The following RANBP17 variants were observed in gnomAD, a reference collection of about 807,000 sequenced individuals.
The protein encoded by RANBP17 is ran-binding protein 17.
In RANBP17, 158 loss-of-function variants were observed where a neutral mutation model predicts 141.2. The observed-to-expected ratio is 1.12, with a 90% CI of 0.98 to 1.28. The LOEUF is 1.28. Among genes scored for constraint, RANBP17 ranks in the 50% most tolerant of loss-of-function variants. RANBP17 has a pLI of 0.00. For synonymous variants in RANBP17, 430 were observed against 450.0 expected (o/e 0.96, Z 0.56); for missense variants, 1,438 against 1,290.7 (o/e 1.11, Z -1.75).
chr5:170,870,726 G>GTA (rs1480625153), intron 1 of RANBP17, among the ~76,000 whole-genome samples: 1 of 152,142 alleles, frequency 6.6e-6, no homozygotes, highest in East Asian at 1.9e-4. Context: ...ATTCCTTTGA[G>GTA]TATATACCCA....
intron 14 of RANBP17, among the ~76,000 whole-genome samples, chr5:170,978,746 C>T (rs1777560509): frequency 6.6e-6 from 1 of 152,076 alleles, no homozygotes; most frequent in African/African-American, 2.4e-5. Flanking sequence ...AGGGAGCCTT[C>T]TGGGGACCTT....
At chr5:170,876,620 A>C (rs926213829) in intron 1 of RANBP17, among the ~76,000 whole-genome samples, 11 of 152,204 alleles carry the variant, frequency 7.2e-5, no homozygotes, top group African/African-American at 2.6e-4. Context: ...GAAATTTCCA[A>C]ATCTGGGATG....
intron 14 of RANBP17, among the ~76,000 whole-genome samples, chr5:170,984,656 A>G (rs1777999686): frequency 6.6e-6 from 1 of 152,094 alleles, no homozygotes; most frequent in African/African-American, 2.4e-5. Context: ...AAGTGTAGCT[A>G]ATAGTTAAAT....
intron 14 of RANBP17, among the ~76,000 whole-genome samples, chr5:171,024,478 C>G (rs776518347): frequency 6.6e-6 from 1 of 152,136 alleles, no homozygotes; most frequent in Admixed American, 6.6e-5. Flanking sequence ...TATTTACTAT[C>G]TGGTCTTTTC....
At chr5:171,171,824 C>T (rs1283328369) in intron 16 of RANBP17, among the ~76,000 whole-genome samples, 2 of 151,904 alleles carry the variant, frequency 1.3e-5, no homozygotes, top group Non-Finnish European at 2.9e-5. Context: ...ATTGCCCCCA[C>T]CAAATCAACA....
intron 14 of RANBP17, among the ~76,000 whole-genome samples, chr5:171,117,900 A>G (rs1755760417): frequency 6.6e-6 from 1 of 151,936 alleles, no homozygotes; most frequent in Non-Finnish European, 1.5e-5. Flanking sequence ...TGTATATTCT[A>G]GATATTAATC....
intron 14 of RANBP17, among the ~76,000 whole-genome samples, chr5:171,053,430 C>A (rs573590070): frequency 4.6e-5 from 7 of 152,010 alleles, no homozygotes; most frequent in Non-Finnish European, 1.0e-4. Flanking sequence ...TTGTACAAAT[C>A]TTTCACCTCC....
rs563697253 is a variant in RANBP17 at position 171,227,424 on chromosome 5, G to A, written c.2422+5584G>A. Among the ~76,000 whole-genome samples the A allele has an allele frequency of 2.6e-5, 4 of 152,344 alleles. No homozygotes were observed. The South Asian group carries it at 6.2e-4, about 24-fold the overall frequency. On this transcript the variant is annotated intron_variant, in intron 22 of 27. Coordinates refer to ENST00000523189, the MANE Select transcript of RANBP17 (RefSeq NM_022897.5). Reference sequence around the variant, plus strand: ...CAAGGCTCTAACTCTCTTCACTTCTGTGAAGGCTAAGAGAGGTGAGGAGGC... The same window carrying A: ...CAAGGCTCTAACTCTCTTCACTTCTATGAAGGCTAAGAGAGGTGAGGAGGC...
At chr5:171,158,477 G>A (rs1003490596) in intron 14 of RANBP17, 2 of 186,208 alleles carry the variant, frequency 1.1e-5, no homozygotes, top group Non-Finnish European at 2.3e-5. Context: ...CATTTCCATG[G>A]AAAATCTCCT....
intron 14 of RANBP17, among the ~76,000 whole-genome samples, chr5:171,011,835 A>T (rs1780056266): frequency 1.3e-5 from 2 of 152,084 alleles, no homozygotes; most frequent in Middle Eastern, 3.4e-3. Context: ...AATGTCCTAT[A>T]TAACTTTAAA....
intron 14 of RANBP17, among the ~76,000 whole-genome samples, chr5:171,037,213 T>C (rs1781936773): frequency 6.6e-6 from 1 of 152,148 alleles, no homozygotes; most frequent in Non-Finnish European, 1.5e-5. Context: ...ATGTGGAGTA[T>C]TGTTTCATGT....
At chr5:171,116,385 A>G (rs554380569) in intron 14 of RANBP17, among the ~76,000 whole-genome samples, 30 of 152,246 alleles carry the variant, frequency 2.0e-4, no homozygotes, top group African/African-American at 7.2e-4. Context: ...TATCAAAATG[A>G]TGATGGATGG....
intron 14 of RANBP17, among the ~76,000 whole-genome samples, chr5:171,081,449 C>G (rs1785253434): frequency 6.6e-6 from 1 of 152,136 alleles, no homozygotes; most frequent in Admixed American, 6.5e-5. Context: ...CAGCTGCACT[C>G]TAATGCCAAG....
intron 23 of RANBP17, among the ~76,000 whole-genome samples, chr5:171,242,218 T>TGTATGGTATG (rs145471068): frequency 0.01 from 1,588 of 152,332 alleles, 24 homozygotes; most frequent in African/African-American, 0.035. Context: ...ATCTTTTGCC[T>TGTATGGTATG]GTAGTGTATG....
intron 3 of RANBP17, among the ~76,000 whole-genome samples, chr5:170,885,868 CTTT>C (rs33975152): frequency 3.0e-4 from 42 of 139,352 alleles, no homozygotes; most frequent in Non-Finnish European, 4.2e-4. Flanking sequence ...CACTCTCCAC[CTTT>C]TTTTTTTTTT....
At chr5:170,900,087 A>C (rs544815323) in intron 5 of RANBP17, among the ~76,000 whole-genome samples, 1 of 152,296 alleles carries the variant, frequency 6.6e-6, no homozygotes, top group East Asian at 1.9e-4. Flanking sequence ...TTTCAGAAGG[A>C]ATGGTACCAG....
At chr5:171,188,480 C>T (rs1331726687) in intron 18 of RANBP17, among the ~76,000 whole-genome samples, 2 of 152,200 alleles carry the variant, frequency 1.3e-5, no homozygotes, top group African/African-American at 4.8e-5. Flanking sequence ...CCTCAAGGAG[C>T]TTGTCTTCTT....
Position 170,948,166 on chromosome 5 carries a change from T to C in RANBP17, c.1469-5431T>C, listed in dbSNP as rs199984780. Among the ~76,000 whole-genome samples the C allele has an allele frequency of 1.5e-4, 23 of 152,254 alleles. No homozygotes were observed. The East Asian group carries it at 3.9e-3, about 26-fold the overall frequency. ...CTGTGTGAGTACTGGCAAAGAGTAG[T>C]GGTGTATCGGACATAAACAGTCATG... On this transcript the variant is annotated intron_variant, in intron 12 of 27. Transcript: ENST00000523189.
intron 12 of RANBP17, among the ~76,000 whole-genome samples, chr5:170,931,034 A>G (rs7722042): frequency 6.6e-6 from 1 of 151,522 alleles, no homozygotes. Flanking sequence ...CCAACAGTGT[A>G]AAAGCGTTCC....
Sources: allele counts gnomAD v4.1 joint callset (sites outside exome capture counted in the v4.1 genomes callset), GRCh38; gene constraint gnomAD v4.1.1; transcripts MANE v1.5; gene names NCBI Gene and HGNC (gene_info 2026-07-23, HGNC 2026-07-21).